Variants in NAA35 observed in about 807,000 individuals in gnomAD.
NAA35 encodes N-alpha-acetyltransferase 35, NatC auxiliary subunit, also known as MAK10 homolog, amino-acid N-acetyltransferase subunit.
Under a neutral mutation model 101.7 loss-of-function variants are expected in NAA35, and 18 were observed. The observed-to-expected ratio is 0.18, with a 90% CI of 0.12 to 0.26. NAA35 has a LOEUF of 0.26. Among genes scored for constraint, NAA35 ranks in the 10% least tolerant of loss-of-function variants. The pLI, the probability that NAA35 is intolerant of heterozygous loss-of-function variation, is 1.00. For synonymous variants in NAA35, 267 were observed against 273.1 expected, an observed-to-expected ratio of 0.98 and a Z score of 0.22; for missense variants, 601 against 886.8, an observed-to-expected ratio of 0.68 and a Z score of 4.09.
chr9:86,017,139 T>C lies in NAA35; in HGVS notation c.1706-359T>C, dbSNP rs192101601. ...GATCACTTAGGGAAGGCTATAGATATGGCTGCAATTATTATAAAATACTAC... is the reference window on the plus strand; with the variant it reads ...GATCACTTAGGGAAGGCTATAGATACGGCTGCAATTATTATAAAATACTAC... On this transcript the variant is annotated intron_variant, in intron 18 of 22. Coordinates refer to ENST00000361671, the MANE Select transcript of NAA35 (RefSeq NM_024635.4). Among the ~76,000 whole-genome samples the C allele has an allele frequency of 7.5e-4, 114 of 152,370 alleles. 1 individual carries two copies. The highest frequency in any genetic ancestry group is 2.6e-3 in the African/African-American group (107 of 41,598).
At chr9:85,958,627 G>T in intron 4 of NAA35, 41 bp downstream of exon 4, 3 of 1,282,348 alleles carry the variant, frequency 2.3e-6, no homozygotes, top group Non-Finnish European at 2.2e-6. Flanking sequence ...TTTATCTTTT[G>T]TTACTTCCTG....
chr9:85,956,107 G>A (rs1378446718), intron 2 of NAA35, among the ~76,000 whole-genome samples: 1 of 152,016 alleles, frequency 6.6e-6, no homozygotes. Context: ...ATTATGGCCT[G>A]CGATGGGTCA....
intron 11 of NAA35, among the ~76,000 whole-genome samples, chr9:85,981,870 T>G (rs1186224630): frequency 6.6e-6 from 1 of 152,202 alleles, no homozygotes; most frequent in East Asian, 1.9e-4. Flanking sequence ...AGATTAGTTT[T>G]GGTCTCTACT....
intron 1 of NAA35, 139 bp from the exon 2 acceptor site, chr9:85,942,016 C>T (rs1241099526): frequency 7.4e-7 from 1 of 1,358,658 alleles, no homozygotes. Context: ...CTTTGCAGTA[C>T]TGTCCTTAGA....
At chr9:85,945,736 G>T (rs1299092875) in intron 2 of NAA35, among the ~76,000 whole-genome samples, 1 of 151,950 alleles carries the variant, frequency 6.6e-6, no homozygotes, top group Non-Finnish European at 1.5e-5. Context: ...AGTCAGGATG[G>T]TCTCGATCTC....
At chr9:85,951,367 T>C (rs954889355) in intron 2 of NAA35, among the ~76,000 whole-genome samples, 2 of 152,174 alleles carry the variant, frequency 1.3e-5, no homozygotes, top group African/African-American at 4.8e-5. Flanking sequence ...CTGATGTAAA[T>C]TTGGCCTCAC....
rs557691690 is a variant in NAA35 at position 86,016,561 on chromosome 9, G to C, written c.1591G>C (p.Ala531Pro). Residue 531 changes from alanine to proline, a missense_variant, in exon 18 of 23, where the codon GCA (alanine) becomes CCA (proline). Ala to Pro is a conservative substitution (Grantham distance 27, BLOSUM62 -1). This residue lies in a region of NAA35 where 99 missense variants were observed against 206.7 expected (regional missense o/e 0.48). Transcript: ENST00000361671. ...AAGGTATCTCTCTGAATTCCTTTAC[G>C]CATGGTTGATGTCAACATTGAGTCG... The part of the protein sequence containing the change: ...IYWYLSEFLY[A>P]WLMSTLSRAD... 6.8e-6 allele frequency: 11 copies of C among 1,613,454 alleles called. No individual in the cohort carries two copies. The highest frequency in any genetic ancestry group is 9.3e-6 in the Non-Finnish European group (11 of 1,179,800).
intron 12 of NAA35, among the ~76,000 whole-genome samples, chr9:86,000,753 A>G (rs1178209636): frequency 6.6e-6 from 1 of 151,768 alleles, no homozygotes; most frequent in Non-Finnish European, 1.5e-5. Context: ...CATTCCCTTC[A>G]TCATTTCTAA....
chr9:86,018,658 A>C lies in NAA35; in HGVS notation c.1915-41A>C, dbSNP rs555990029. 20 of 1,591,320 alleles carry C rather than the reference A, an allele frequency of 1.3e-5. No homozygotes were observed. In the Admixed American group the frequency reaches 1.3e-4, roughly 10 times the overall value. ...TAGAAATGGGATTTTAGAGTTGTTC[A>C]TATTAAACGTGTTTTGAATTATACT... On this transcript the variant is annotated intron_variant, in intron 20 of 22. Coordinates refer to ENST00000361671, the MANE Select transcript of NAA35 (RefSeq NM_024635.4).
rs897372859 is a variant in NAA35 at position 86,022,176 on chromosome 9, T to C, written c.*216T>C. ...TATGTTCCATGGAAGAAACTGGTCTTATTGAATGCATTGATGAACGTTATA... is the reference window on the plus strand; with the variant it reads ...TATGTTCCATGGAAGAAACTGGTCTCATTGAATGCATTGATGAACGTTATA... On this transcript the variant is annotated 3_prime_UTR_variant, in exon 23 of 23. Coordinates refer to ENST00000361671, the MANE Select transcript of NAA35 (RefSeq NM_024635.4). 2.1e-5 allele frequency: 9 copies of C among 428,980 alleles called. No homozygotes were observed. Among genetic ancestry groups the C allele is most frequent in the Non-Finnish European group, 3.3e-5 (8 of 244,328 alleles). 26.6% of individuals were successfully genotyped at this position (428,980 alleles called of 1,614,324 possible).
intron 4 of NAA35, among the ~76,000 whole-genome samples, chr9:85,958,908 C>T (rs1435650771): frequency 6.6e-6 from 1 of 151,874 alleles, no homozygotes; most frequent in Admixed American, 6.6e-5. Context: ...AGTAAATTTA[C>T]ACAAGTAAAA....
chr9:85,961,824 A>G (rs751492810), intron 5 of NAA35, among the ~76,000 whole-genome samples, 189 bp from the exon 6 acceptor site: 2 of 152,176 alleles, frequency 1.3e-5, no homozygotes, highest in Non-Finnish European at 2.9e-5. Flanking sequence ...TTGATGTACG[A>G]CAATGATTCC....
intron 11 of NAA35, among the ~76,000 whole-genome samples, chr9:85,995,027 A>T (rs976517235): frequency 4.6e-5 from 7 of 152,124 alleles, no homozygotes; most frequent in African/African-American, 1.7e-4. Context: ...ATCAGTTTTT[A>T]AAAAAGAAAA....
At chr9:85,973,462 A>C (rs1228587637) in intron 6 of NAA35, among the ~76,000 whole-genome samples, 1 of 152,064 alleles carries the variant, frequency 6.6e-6, no homozygotes, top group Non-Finnish European at 1.5e-5. Flanking sequence ...AACTAGAGAG[A>C]GCTGTGAAAG....
intron 8 of NAA35, 85 bp downstream of exon 8, chr9:85,975,242 C>G: frequency 3.0e-6 from 4 of 1,329,756 alleles, no homozygotes; most frequent in Non-Finnish European, 4.2e-6. Flanking sequence ...TGTGTAGAAC[C>G]ACCTTTCTCC....
chr9:85,963,751 A>G (rs533147169), intron 6 of NAA35, among the ~76,000 whole-genome samples: 1 of 152,302 alleles, frequency 6.6e-6, no homozygotes, highest in Non-Finnish European at 1.5e-5. Context: ...TCAAAGTACA[A>G]CTAAAAGGCC....
At chr9:85,996,219 A>G (rs1831149552) in intron 11 of NAA35, among the ~76,000 whole-genome samples, 180 bp from the exon 12 acceptor site, 1 of 152,170 alleles carries the variant, frequency 6.6e-6, no homozygotes, top group Non-Finnish European at 1.5e-5. Context: ...CTACTTGTTT[A>G]GTTTTTAAAA....
chr9:85,956,292 CT>C (rs924601334), intron 2 of NAA35, 67 bp from the exon 3 acceptor site: 45 of 973,658 alleles, frequency 4.6e-5, no homozygotes, highest in East Asian at 8.8e-5. Context: ...GTGCTAATGT[CT>C]TTTTTTTCTT....
chr9:85,962,107 C>A lies in NAA35; in HGVS notation c.443C>A (p.Ala148Asp). The A allele has an allele frequency of 1.2e-6, 2 of 1,614,066 alleles. No homozygotes were observed. Among genetic ancestry groups the A allele is most frequent in the Non-Finnish European group, 1.7e-6 (2 of 1,179,994 alleles). Reference protein sequence around the residue: ...PDFIEDPAMKAFALGILKICD... With the variant: ...PDFIEDPAMKDFALGILKICD... ...TTTATAGAAGATCCTGCTATGAAGG[C>A]TTTTGCTCTGGGAATCTTGAAAATC... The change falls in exon 6 of 23, where the codon GCT (alanine) becomes GAT (aspartate). Residue 148 changes from alanine (A) to aspartate (D), a missense_variant. By Grantham distance (126) the Ala-to-Asp change is moderately radical. This residue lies in a region of NAA35 where 86 missense variants were observed against 169.4 expected (regional missense o/e 0.51). Transcript: ENST00000361671.
Sources: allele counts gnomAD v4.1 joint callset (sites outside exome capture counted in the v4.1 genomes callset), GRCh38; gene constraint gnomAD v4.1.1; regional missense constraint gnomAD v4.1.1; transcripts MANE v1.5; gene names NCBI Gene and HGNC (gene_info 2026-07-23, HGNC 2026-07-21).